The following ZFHX3 variants were observed in gnomAD, a reference collection of about 807,000 sequenced individuals.
ZFHX3 encodes zinc finger homeobox 3, also known as zinc finger homeobox protein 3.
ZFHX3 carries 42 observed loss-of-function variants against 279.1 expected under a neutral mutation model. The observed-to-expected ratio is 0.15, with a 90% CI of 0.12 to 0.19. The LOEUF (loss-of-function observed/expected upper bound fraction) is 0.19, where lower values mean the gene tolerates loss of function less well. Ranked by LOEUF, ZFHX3 falls within the 10% of genes least tolerant of loss-of-function variation. The pLI, the probability that ZFHX3 is intolerant of heterozygous loss-of-function variation, is 1.00. For missense variants in ZFHX3, 4,981 were observed against 4,754.0 expected, an observed-to-expected ratio of 1.05 and a Z score of -1.40; for synonymous variants, 2,293 against 1,957.8, an observed-to-expected ratio of 1.17 and a Z score of -4.52.
intron 5 of ZFHX3, among the ~76,000 whole-genome samples, chr16:73,194,948 G>C (rs1968112781): frequency 1.3e-5 from 2 of 152,134 alleles, no homozygotes; most frequent in African/African-American, 4.8e-5. Context: ...GCAAGAACCT[G>C]AATCAAAAAA....
At chr16:73,834,907 T>TC (rs35341654) in intron 1 of ZFHX3, among the ~76,000 whole-genome samples, 61,169 of 151,592 alleles carry the variant, frequency 0.4, 12,949 homozygotes, top group Non-Finnish European at 0.46. Context: ...AAGAAGCGTC[T>TC]CCCCCCGTGG....
intron 3 of ZFHX3, among the ~76,000 whole-genome samples, chr16:73,447,296 A>G (rs1246762576): frequency 1.3e-5 from 2 of 152,172 alleles, no homozygotes; most frequent in Non-Finnish European, 2.9e-5. Flanking sequence ...AACAAAGAAA[A>G]TGGTAGAACT....
chr16:73,575,079 G>A (rs998151973), intron 2 of ZFHX3, among the ~76,000 whole-genome samples: 4 of 152,246 alleles, frequency 2.6e-5, no homozygotes, highest in South Asian at 2.1e-4. Context: ...AGCCAGTGGC[G>A]CACAGTTTGA....
intron 7 of ZFHX3, among the ~76,000 whole-genome samples, chr16:72,806,619 T>A (rs745683959): frequency 1.1e-4 from 17 of 152,096 alleles, no homozygotes; most frequent in Non-Finnish European, 2.2e-4. Context: ...CCCAGGCCAG[T>A]GGCTGCCCTA....
At chr16:73,013,573 C>G (rs1393936381) in intron 1 of ZFHX3, among the ~76,000 whole-genome samples, 1 of 152,200 alleles carries the variant, frequency 6.6e-6, no homozygotes, top group Admixed American at 6.5e-5. Context: ...CAGGCCTGAA[C>G]CACGGTGCCT....
At chr16:73,005,357 T>C (rs570571213) in intron 1 of ZFHX3, among the ~76,000 whole-genome samples, 23 of 152,002 alleles carry the variant, frequency 1.5e-4, no homozygotes, top group Non-Finnish European at 2.8e-4. Context: ...TAGCTGGGCA[T>C]GGTGGCGCAC....
intron 2 of ZFHX3, among the ~76,000 whole-genome samples, chr16:73,645,350 G>A (rs750138048): frequency 2.0e-4 from 30 of 152,086 alleles, no homozygotes; most frequent in Non-Finnish European, 3.7e-4. Flanking sequence ...TCCACCACCC[G>A]GGTTCATGCC....
chr16:73,334,919 AGT>A (rs1326094689), intron 3 of ZFHX3, among the ~76,000 whole-genome samples: 1 of 121,042 alleles, frequency 8.3e-6, no homozygotes, highest in Non-Finnish European at 1.7e-5. Flanking sequence ...TTTGTTCTTG[AGT>A]TTGCCTGCTT....
chr16:73,866,881 A>G (rs1351433623), intron 1 of ZFHX3, among the ~76,000 whole-genome samples: 1 of 152,222 alleles, frequency 6.6e-6, no homozygotes, highest in Admixed American at 6.5e-5. Context: ...GAAACCACAT[A>G]GAAAAGTCTT....
chr16:73,649,911 G>C (rs1034162843), intron 2 of ZFHX3, among the ~76,000 whole-genome samples: 11 of 152,296 alleles, frequency 7.2e-5, no homozygotes, highest in Admixed American at 5.9e-4. Context: ...TTTGATCGAA[G>C]CACTGGTGTG....
chr16:73,705,939 A>G (rs1256109718), intron 1 of ZFHX3, among the ~76,000 whole-genome samples: 2 of 152,090 alleles, frequency 1.3e-5, no homozygotes, highest in East Asian at 3.9e-4. Context: ...TACCTCACAG[A>G]GACTCTTGTA....
chr16:72,974,568 A>AACACACACACAC (rs59350988), intron 1 of ZFHX3, among the ~76,000 whole-genome samples: 149 of 148,366 alleles, frequency 1.0e-3, no homozygotes, highest in African/African-American at 3.5e-3. Flanking sequence ...CTGATAGGGC[A>AACACACACACAC]ACACACACAC....
At chr16:73,327,216 T>C (rs1374466357) in intron 3 of ZFHX3, among the ~76,000 whole-genome samples, 1 of 152,228 alleles carries the variant, frequency 6.6e-6, no homozygotes, top group Non-Finnish European at 1.5e-5. Context: ...ACATTCCTCT[T>C]ATGCACGTAG....
At chr16:73,502,820 C>T (rs2019263121) in intron 2 of ZFHX3, among the ~76,000 whole-genome samples, 1 of 152,240 alleles carries the variant, frequency 6.6e-6, no homozygotes, top group African/African-American at 2.4e-5. Flanking sequence ...TGATCCCTAG[C>T]TGTGTGCAGA....
intron 1 of ZFHX3, among the ~76,000 whole-genome samples, chr16:73,687,207 G>A (rs541288164): frequency 6.7e-6 from 1 of 149,546 alleles, no homozygotes; most frequent in South Asian, 2.1e-4. Flanking sequence ...TGGGCAACAT[G>A]GTAAAACCCC....
intron 4 of ZFHX3, among the ~76,000 whole-genome samples, chr16:73,295,428 A>AT (rs1196857934): frequency 6.6e-6 from 1 of 152,144 alleles, no homozygotes; most frequent in Non-Finnish European, 1.5e-5. Context: ...TAAGGTGTGA[A>AT]TTTTTTAAAG....
At position 72,796,698 on chromosome 16, in the gene ZFHX3, A is replaced by T; in HGVS notation, c.5984T>A (p.Ile1995Asn). The T allele has an allele frequency of 6.2e-7, 1 of 1,613,978 alleles. No homozygotes were observed. The highest frequency in any genetic ancestry group is 8.5e-7 in the Non-Finnish European group (1 of 1,179,996). ...CDSCGKLFSN[I>N]LILKSHQEHV... ...CTCTTGATGACTCTTTAAAATCAAG[A>T]TGTTGGAAAACAACTTGCCGCAGGA... The change falls in exon 9 of 10, where the codon ATC becomes AAC. Residue 1995 changes from isoleucine (I) to asparagine (N), a missense_variant. Physicochemically the swap from Ile to Asn is moderately radical, Grantham distance 149. This residue lies in a region of ZFHX3 where 1,751 missense variants were observed against 1,770.0 expected (regional missense o/e 0.99). Coordinates refer to ENST00000268489, the MANE Select transcript of ZFHX3 (RefSeq NM_006885.4).
chr16:72,933,809 C>CTTTTTTT (rs1408711216), intron 3 of ZFHX3, among the ~76,000 whole-genome samples: 8 of 114,626 alleles, frequency 7.0e-5, no homozygotes, highest in African/African-American at 2.4e-4. Context: ...TAGCTCACAA[C>CTTTTTTT]TTTCTTTTTT....
At chr16:73,632,174 G>A (rs565183012) in intron 2 of ZFHX3, among the ~76,000 whole-genome samples, 189 of 152,252 alleles carry the variant, frequency 1.2e-3, no homozygotes, top group Middle Eastern at 3.4e-3. Flanking sequence ...ATATACATGT[G>A]TTGAGCAATT....
Sources: gnomAD v4.1 joint callset for allele counts (sites outside exome capture counted in the v4.1 genomes callset) on GRCh38, gnomAD v4.1.1 for gene constraint, gnomAD v4.1.1 regional missense constraint, MANE v1.5 for transcripts, NCBI Gene and HGNC (gene_info 2026-07-23, HGNC 2026-07-21) for gene names.